The following MGAM2 variants were observed in gnomAD, a reference collection of about 807,000 sequenced individuals.
The protein encoded by MGAM2 is maltase-glucoamylase 2 (putative).
In MGAM2, 98 loss-of-function variants were observed where a neutral mutation model predicts 96.1. The ratio of observed to expected loss-of-function variants is 1.02; its 90% CI spans 0.87 to 1.21. The LOEUF (loss-of-function observed/expected upper bound fraction) is 1.21, where lower values mean the gene tolerates loss of function less well. MGAM2 is among the 50% of genes most tolerant of loss of function. The pLI is 0.00. For synonymous variants in MGAM2, 749 were observed against 414.8 expected (o/e 1.81, Z -9.79); for missense variants, 2,055 against 1,182.4 (o/e 1.74, Z -10.82).
intron 6 of MGAM2, among the ~76,000 whole-genome samples, chr7:142,133,502 C>T (rs1389667125): frequency 1.3e-5 from 2 of 151,908 alleles, no homozygotes; most frequent in Non-Finnish European, 2.9e-5. Flanking sequence ...AATTCACAAA[C>T]TGTACTGGAG....
At chr7:142,197,373 C>T (rs1797076642) in intron 40 of MGAM2, 27 bp from the exon 41 acceptor site, 1 of 699,898 alleles carries the variant, frequency 1.4e-6, no homozygotes, top group Non-Finnish European at 2.6e-6. Context: ...AAGAGGTGAT[C>T]CATTATATGC....
In MGAM2 at chr7:142,144,893, T is replaced by C; in HGVS notation, c.1464T>C (p.Ala488=). The change falls in exon 14 of 48, where the codon GCT becomes GCC. Residue 488 remains alanine (A), a synonymous_variant. Coordinates refer to ENST00000477922, the MANE Select transcript of MGAM2 (RefSeq NM_001293626.2). ...ATGAAGTATCTAGCTTACTCCAAGC[T>C]TCTAATAACCAGTGTGAATCCAACA... ...EMNEVSSLLQ[A]SNNQCESNNL... 1.4e-6 allele frequency: 1 copy of C among 702,846 alleles called. No homozygotes were observed. The highest frequency in any genetic ancestry group is 2.6e-6 in the Non-Finnish European group (1 of 384,904). 43.5% of individuals were successfully genotyped at this position (702,846 alleles called of 1,614,324 possible).
At chr7:142,186,572 A>G (rs962969148) in intron 35 of MGAM2, among the ~76,000 whole-genome samples, 12 of 152,366 alleles carry the variant, frequency 7.9e-5, no homozygotes, top group African/African-American at 2.9e-4. Flanking sequence ...GGGCCTGTTC[A>G]GATGTTTGCT....
At chr7:142,127,112 T>A (rs1476357700) in intron 3 of MGAM2, among the ~76,000 whole-genome samples, 1 of 152,238 alleles carries the variant, frequency 6.6e-6, no homozygotes, top group Non-Finnish European at 1.5e-5. Flanking sequence ...TTTGAATTGA[T>A]GAATGTAGTT....
intron 4 of MGAM2, among the ~76,000 whole-genome samples, 165 bp downstream of exon 4, chr7:142,131,236 A>G (rs112934333): frequency 0.066 from 10,099 of 152,234 alleles, 1,148 homozygotes; most frequent in African/African-American, 0.23. Context: ...TCAGGAGTTC[A>G]AGACCAGCCT....
intron 13 of MGAM2, 82 bp downstream of exon 13, chr7:142,143,964 A>G: frequency 3.0e-6 from 2 of 666,608 alleles, no homozygotes; most frequent in Non-Finnish European, 5.5e-6. Context: ...TTGATGTCAA[A>G]TAAATGTCAA....
chr7:142,209,933 G>A (rs1244960023), intron 46 of MGAM2, among the ~76,000 whole-genome samples: 2 of 152,178 alleles, frequency 1.3e-5, no homozygotes, highest in African/African-American at 4.8e-5. Context: ...TGGCCAAATA[G>A]GAACAGCTCT....
intron 28 of MGAM2, 73 bp downstream of exon 28, chr7:142,171,513 A>T (rs1308895284): frequency 1.5e-6 from 1 of 650,792 alleles, no homozygotes; most frequent in Non-Finnish European, 2.8e-6. Context: ...ATGCTTATAT[A>T]TGATACCTTG....
chr7:142,132,490 AAAATT>A (rs1409110142), intron 6 of MGAM2, among the ~76,000 whole-genome samples: 1 of 138,774 alleles, frequency 7.2e-6, no homozygotes, highest in African/African-American at 2.7e-5. Flanking sequence ...TTCATAATTT[AAAATT>A]AAATTAAATT....
At chr7:142,128,258 T>C (rs1469471059) in intron 3 of MGAM2, among the ~76,000 whole-genome samples, 2 of 152,196 alleles carry the variant, frequency 1.3e-5, no homozygotes, top group East Asian at 3.8e-4. Context: ...GTTCAGCTTA[T>C]GTATTCATGA....
At chr7:142,151,680 G>A (rs560386462) in intron 15 of MGAM2, among the ~76,000 whole-genome samples, 33 of 152,294 alleles carry the variant, frequency 2.2e-4, no homozygotes, top group South Asian at 6.2e-4. Context: ...TTTTTTGCCC[G>A]TGACTCCATG....
chr7:142,220,920 A>G lies in MGAM2; in HGVS notation c.6409A>G (p.Thr2137Ala), dbSNP rs1270058927. Residue 2137 changes from threonine (T) to alanine (A), a missense_variant, in exon 48 of 48, where the codon ACT (threonine) becomes GCT (alanine). By Grantham distance (58) the Thr-to-Ala change is moderately conservative. Transcript: ENST00000477922. ...TGTTDVSTST[T>A]INNISTPVQT... is the part of the protein sequence containing the mutation. ...TACTACTGATGTTAGCACTAGTACT[A>G]CTATTAATAATATAAGTACTCCTGT... 1.4e-6 allele frequency: 1 copy of G among 701,692 alleles called. No individual in the cohort carries two copies. Among genetic ancestry groups the G allele is most frequent in the African/African-American group, 1.8e-5 (1 of 57,086 alleles). 43.5% of individuals were successfully genotyped at this position (701,692 alleles called of 1,614,324 possible).
intron 36 of MGAM2, 54 bp downstream of exon 36, chr7:142,187,888 G>C (rs1585200094): frequency 1.5e-6 from 1 of 683,984 alleles, no homozygotes; most frequent in Non-Finnish European, 2.7e-6. Flanking sequence ...GACTCCAAAA[G>C]TTTTCCTTTT....
chr7:142,205,003 TA>T (rs1193851966), intron 45 of MGAM2, among the ~76,000 whole-genome samples: 1 of 152,102 alleles, frequency 6.6e-6, no homozygotes, highest in African/African-American at 2.4e-5. Context: ...GGAAAGTACA[TA>T]TTTTTTCTCA....
chr7:142,162,985 C>T (rs577088467), intron 23 of MGAM2, among the ~76,000 whole-genome samples: 10 of 152,186 alleles, frequency 6.6e-5, no homozygotes, highest in East Asian at 3.9e-4. Flanking sequence ...ATCATCTGTT[C>T]GCCATTTCTA....
chr7:142,167,514 C>T, intron 26 of MGAM2, 28 bp downstream of exon 26: 1 of 702,774 alleles, frequency 1.4e-6, no homozygotes, highest in Non-Finnish European at 2.6e-6. Context: ...GATTCTGGTT[C>T]TCAAGATGGA....
intron 37 of MGAM2, among the ~76,000 whole-genome samples, chr7:142,194,801 C>T (rs1014028141): frequency 2.0e-5 from 3 of 151,502 alleles, no homozygotes; most frequent in African/African-American, 7.3e-5. Context: ...GTTTACACAA[C>T]AGTAGTCAGC....
Position 142,196,143 on chromosome 7 carries a change from C to G in MGAM2, c.4347-11C>G, listed in dbSNP as rs1450201660. 9.9e-7 allele frequency: 1 copy of G among 1,013,506 alleles called. No homozygotes were observed. 62.8% of individuals were successfully genotyped at this position (1,013,506 alleles called of 1,614,324 possible). On this transcript the variant is annotated splice_polypyrimidine_tract_variant and intron_variant, in intron 37 of 47. Coordinates refer to ENST00000477922, the MANE Select transcript of MGAM2 (RefSeq NM_001293626.2). ...TTTCTTCAACTCACCTCTTTATTCC[C>G]CTCCCACCAGAGCTGTGCAGGAGGT...
rs1356332446 is a variant in MGAM2 at position 142,132,009 on chromosome 7, A to G, written c.499A>G (p.Asn167Asp). ...GGTTGATGGGATTGCTGATGCCTCC[A>G]ATTTGAGCTATTACGTGGAGGTTAC... Reference protein sequence around the residue: ...NLVDGIADASNLSYYVEVTDK... With the variant: ...NLVDGIADASDLSYYVEVTDK... The change falls in exon 6 of 48, where the codon AAT becomes GAT. Residue 167 changes from asparagine to aspartate, a missense_variant. By Grantham distance (23) the Asn-to-Asp change is conservative. Coordinates refer to ENST00000477922, the MANE Select transcript of MGAM2 (RefSeq NM_001293626.2). 2.8e-6 allele frequency: 2 copies of G among 702,990 alleles called. No homozygotes were observed. The highest frequency in any genetic ancestry group is 2.6e-6 in the Non-Finnish European group (1 of 385,048). 43.5% of individuals were successfully genotyped at this position (702,990 alleles called of 1,614,324 possible). A position where few individuals can be genotyped will look rare whatever the true frequency, so the allele number is the denominator to read the frequency against.
Sources: allele counts gnomAD v4.1 joint callset (sites outside exome capture counted in the v4.1 genomes callset), GRCh38; gene constraint gnomAD v4.1.1; transcripts MANE v1.5; gene names NCBI Gene and HGNC (gene_info 2026-07-23, HGNC 2026-07-21).